CDH13: variants seen among roughly 807,000 people sequenced by gnomAD.
The protein encoded by CDH13 is cadherin 13, also known as cadherin-13.
CDH13 carries 24 observed loss-of-function variants against 63.8 expected under a neutral mutation model. The observed-to-expected ratio is 0.38, with a 90% confidence interval of 0.27 to 0.53. CDH13 has a LOEUF of 0.53. Among genes scored for constraint, CDH13 ranks in the 20% least tolerant of loss-of-function variants. CDH13 has a pLI of 0.85. For synonymous variants in CDH13, 503 were observed against 355.3 expected (o/e 1.42, Z -4.67); for missense variants, 1,049 against 903.1 (o/e 1.16, Z -2.07).
At chr16:83,078,920 A>T (rs1231796048) in intron 3 of CDH13, among the ~76,000 whole-genome samples, 1 of 152,130 alleles carries the variant, frequency 6.6e-6, no homozygotes, top group East Asian at 1.9e-4. Context: ...TCAGCCTCCC[A>T]AGTAGCTGGG....
chr16:83,101,774 A>C (rs1362041245), intron 3 of CDH13, among the ~76,000 whole-genome samples: 2 of 152,128 alleles, frequency 1.3e-5, no homozygotes, highest in Non-Finnish European at 2.9e-5. Flanking sequence ...AGCCTGGGAG[A>C]GAGAGTGAGA....
At chr16:82,904,380 G>T (rs2041573244) in intron 2 of CDH13, among the ~76,000 whole-genome samples, 1 of 152,164 alleles carries the variant, frequency 6.6e-6, no homozygotes, top group Non-Finnish European at 1.5e-5. Context: ...AAGAGAGATT[G>T]ATATGATGAT....
chr16:82,642,037 T>TA (rs1213158424), intron 1 of CDH13, among the ~76,000 whole-genome samples: 2 of 148,198 alleles, frequency 1.3e-5, no homozygotes, highest in Non-Finnish European at 3.0e-5. Flanking sequence ...ACCAACTCCT[T>TA]ATGACACCCC....
intron 3 of CDH13, among the ~76,000 whole-genome samples, chr16:83,119,250 C>T (rs1200779443): frequency 1.3e-5 from 2 of 152,176 alleles, no homozygotes; most frequent in East Asian, 1.9e-4. Context: ...CAGATGGTTA[C>T]GTTCCTCCCT....
chr16:83,271,836 T>G (rs556351782), intron 5 of CDH13, among the ~76,000 whole-genome samples: 2 of 152,228 alleles, frequency 1.3e-5, no homozygotes, highest in African/African-American at 2.4e-5. Flanking sequence ...TCCAATCATC[T>G]GTGTCACTGC....
chr16:82,673,385 C>G (rs1438307871), intron 1 of CDH13, among the ~76,000 whole-genome samples: 2 of 152,148 alleles, frequency 1.3e-5, no homozygotes, highest in South Asian at 4.2e-4. Flanking sequence ...TCTAGAAACT[C>G]ACTAGCAGGA....
intron 2 of CDH13, among the ~76,000 whole-genome samples, chr16:83,019,853 A>AAG (rs1019021729): frequency 6.6e-6 from 1 of 150,530 alleles, no homozygotes; most frequent in African/African-American, 2.4e-5. Flanking sequence ...AAAAAAAAAA[A>AAG]ACAATAAAAA....
intron 2 of CDH13, among the ~76,000 whole-genome samples, chr16:82,866,235 C>G (rs773842711): frequency 1.1e-4 from 16 of 152,122 alleles, no homozygotes; most frequent in Middle Eastern, 3.2e-3. Context: ...CTGTCTTCCT[C>G]TGAGCCCTCT....
intron 6 of CDH13, among the ~76,000 whole-genome samples, chr16:83,377,660 C>T (rs1403142510): frequency 1.3e-5 from 2 of 152,184 alleles, no homozygotes; most frequent in African/African-American, 2.4e-5. Flanking sequence ...CTTTGCAAGG[C>T]TCCAACCAGT....
intron 2 of CDH13, among the ~76,000 whole-genome samples, chr16:82,918,250 TAA>T (rs1225728158): frequency 6.6e-6 from 1 of 152,162 alleles, no homozygotes; most frequent in African/African-American, 2.4e-5. Context: ...GAGAAGATTA[TAA>T]GTGTATCCTA....
In CDH13 at chr16:83,486,645, T is replaced by C; in HGVS notation, c.950T>C (p.Leu317Pro). 1 of 1,613,754 alleles carries C rather than the reference T, an allele frequency of 6.2e-7. No individual in the cohort carries two copies. The highest frequency in any genetic ancestry group is 8.5e-7 in the Non-Finnish European group (1 of 1,179,674). The part of the protein sequence containing the change: ...DIVTVVSPAL[L>P]DRETLENPKY... ...GTCACTGTTGTGTCACCTGCGCTGC[T>C]GGACCGAGAGGTGAGCTGAAAAGAA... Residue 317 changes from leucine (L) to proline (P), a missense_variant, in exon 7 of 14, where the codon CTG (leucine) becomes CCG (proline). Transcript: ENST00000567109.
At chr16:83,363,031 C>A (rs1289402465) in intron 6 of CDH13, among the ~76,000 whole-genome samples, 1 of 152,164 alleles carries the variant, frequency 6.6e-6, no homozygotes, top group Non-Finnish European at 1.5e-5. Context: ...AGGATAAGGT[C>A]AAACTACATT....
chr16:82,834,791 T>C (rs971845789), intron 1 of CDH13, among the ~76,000 whole-genome samples: 2 of 152,222 alleles, frequency 1.3e-5, no homozygotes, highest in African/African-American at 4.8e-5. Flanking sequence ...CAAACTCTGA[T>C]CTGAGGGCCA....
At chr16:83,526,674 G>C (rs114283589) in intron 7 of CDH13, among the ~76,000 whole-genome samples, 1,759 of 152,314 alleles carry the variant, frequency 0.012, 39 homozygotes, top group African/African-American at 0.04. Context: ...TGGCTTAAAT[G>C]ATGAAATTTG....
chr16:83,100,593 A>G lies in CDH13; in HGVS notation c.367-24792A>G, dbSNP rs186803795. Among the ~76,000 whole-genome samples, 137 of 152,290 alleles carry G rather than the reference A, an allele frequency of 9.0e-4. 1 individual carries two copies. Among genetic ancestry groups the G allele is most frequent in the African/African-American group, 2.8e-3 (116 of 41,554 alleles). On this transcript the variant is annotated intron_variant, in intron 3 of 13. Coordinates refer to ENST00000567109, the MANE Select transcript of CDH13 (RefSeq NM_001257.5). ...CAATGGTCCTGTAGTCCTCATCACC[A>G]TTTCCCATGTCTGAAACTGTCTTTG...
chr16:83,458,349 A>G (rs2073079749), intron 6 of CDH13, among the ~76,000 whole-genome samples: 2 of 152,240 alleles, frequency 1.3e-5, no homozygotes, highest in African/African-American at 4.8e-5. Context: ...AAATGACTAC[A>G]TTAAAATGAG....
At chr16:83,087,449 C>T (rs1274222070) in intron 3 of CDH13, among the ~76,000 whole-genome samples, 2 of 152,050 alleles carry the variant, frequency 1.3e-5, no homozygotes, top group Non-Finnish European at 2.9e-5. Context: ...GCGGGCAGAT[C>T]ACGAGGTCAG....
intron 1 of CDH13, among the ~76,000 whole-genome samples, chr16:82,840,693 A>C (rs1051594068): frequency 2.6e-5 from 4 of 151,844 alleles, no homozygotes; most frequent in Non-Finnish European, 5.9e-5. Context: ...TCAAAAAAAA[A>C]AAAAAAAAAG....
At chr16:82,986,711 A>G (rs546124703) in intron 2 of CDH13, among the ~76,000 whole-genome samples, 1 of 152,196 alleles carries the variant, frequency 6.6e-6, no homozygotes, top group African/African-American at 2.4e-5. Flanking sequence ...ACTACATCCA[A>G]TAGTACCTGC....
Sources: allele counts gnomAD v4.1 joint callset (sites outside exome capture counted in the v4.1 genomes callset), GRCh38; gene constraint gnomAD v4.1.1; transcripts MANE v1.5; gene names NCBI Gene and HGNC (gene_info 2026-07-23, HGNC 2026-07-21).